The following BCAS4 variants were observed in gnomAD, a reference collection of about 807,000 sequenced individuals.
BCAS4 encodes the protein breast carcinoma-amplified sequence 4.
In BCAS4, 9 loss-of-function variants were observed where a neutral mutation model predicts 15.7. The ratio of observed to expected loss-of-function variants is 0.57; its 90% CI spans 0.34 to 1.00. BCAS4 has a LOEUF of 1.00. BCAS4 is among the 50% of genes least tolerant of loss of function. The pLI, the probability that BCAS4 is intolerant of heterozygous loss-of-function variation, is 0.02. For missense variants in BCAS4, 225 were observed against 239.1 expected (o/e 0.94, Z 0.39); for synonymous variants, 101 against 99.5 (o/e 1.02, Z -0.09).
At chr20:50,820,371 C>T (rs1026547886) in intron 2 of BCAS4, among the ~76,000 whole-genome samples, 1 of 152,068 alleles carries the variant, frequency 6.6e-6, no homozygotes, top group East Asian at 1.9e-4. Flanking sequence ...GGGAAGGCTT[C>T]GTATAACAGG....
At chr20:50,830,224 C>A in intron 2 of BCAS4, 55 bp from the exon 3 acceptor site, 1 of 1,462,306 alleles carries the variant, frequency 6.8e-7, no homozygotes, top group Non-Finnish European at 9.6e-7. Flanking sequence ...CTGAGGCAGG[C>A]AGGAGGACAC....
intron 1 of BCAS4, among the ~76,000 whole-genome samples, chr20:50,813,039 G>A (rs1233003186): frequency 6.6e-6 from 1 of 151,904 alleles, no homozygotes; most frequent in African/African-American, 2.4e-5. Flanking sequence ...GGATGGCCTT[G>A]AACTCCTGGG....
chr20:50,843,462 T>C (rs2088507688), intron 4 of BCAS4, among the ~76,000 whole-genome samples: 1 of 152,214 alleles, frequency 6.6e-6, no homozygotes, highest in African/African-American at 2.4e-5. Context: ...CCAGGCAATG[T>C]ATTTAAACAT....
chr20:50,806,701 A>AT (rs1321930205), intron 1 of BCAS4, among the ~76,000 whole-genome samples: 24 of 151,338 alleles, frequency 1.6e-4, no homozygotes, highest in African/African-American at 5.8e-4. Context: ...TTTTATTATT[A>AT]TTATTTTTTA....
At chr20:50,794,984 T>C (rs775282922), upstream of BCAS4, 2 of 1,269,264 alleles carry the variant, frequency 1.6e-6, no homozygotes, top group Admixed American at 4.1e-5. Context: ...CGCCAGGCGG[T>C]CCGCGGGGCA....
chr20:50,854,653 A>C (rs1978655732), intron 4 of BCAS4, among the ~76,000 whole-genome samples: 1 of 152,134 alleles, frequency 6.6e-6, no homozygotes, highest in South Asian at 2.1e-4. Flanking sequence ...GAAGGGATTC[A>C]CTTATGCACT....
At chr20:50,860,121 G>A (rs534342852) in intron 4 of BCAS4, among the ~76,000 whole-genome samples, 1 of 152,292 alleles carries the variant, frequency 6.6e-6, no homozygotes, top group East Asian at 1.9e-4. Context: ...GGGCGACAGA[G>A]TGAGATCCTG....
intron 2 of BCAS4, among the ~76,000 whole-genome samples, chr20:50,829,782 G>C (rs2088321310): frequency 6.6e-6 from 1 of 151,906 alleles, no homozygotes; most frequent in African/African-American, 2.4e-5. Flanking sequence ...AAAACTAAAG[G>C]AGATGGTGCA....
In BCAS4 at chr20:50,839,245, ACG is replaced by A. The variant is rs2088448065; in HGVS notation, c.265-2520_265-2519del. Among the ~76,000 whole-genome samples the A allele has an allele frequency of 2.6e-5, 4 of 152,238 alleles. No individual in the cohort carries two copies. In the South Asian group the frequency reaches 8.3e-4, roughly 31 times the overall value. Reference sequence around the variant, plus strand: ...CTCTGCTGCCTTTAGCCATGTACACACGTGCATACGCACACTAACACATGCCC... The same window carrying A: ...CTCTGCTGCCTTTAGCCATGTACACATGCATACGCACACTAACACATGCCC... On this transcript the variant is annotated intron_variant, in intron 3 of 4. Transcript: ENST00000371608.
At chr20:50,844,871 C>T (rs1378548454) in intron 4 of BCAS4, among the ~76,000 whole-genome samples, 2 of 152,124 alleles carry the variant, frequency 1.3e-5, no homozygotes, top group African/African-American at 4.8e-5. Context: ...CCAGGAAGCG[C>T]GTCCTGGCCA....
chr20:50,840,768 G>T, intron 3 of BCAS4: 1 of 1,580,450 alleles, frequency 6.3e-7, no homozygotes, highest in Non-Finnish European at 8.7e-7. Context: ...AGGAGAAGCG[G>T]AGCGAGGCAC....
At chr20:50,826,450 C>G (rs971402225) in intron 2 of BCAS4, among the ~76,000 whole-genome samples, 14 of 152,170 alleles carry the variant, frequency 9.2e-5, no homozygotes, top group Non-Finnish European at 1.8e-4. Context: ...AGATCCAGAC[C>G]TAATTACTTG....
chr20:50,873,296 G>A (rs1357287548), intron 4 of BCAS4, among the ~76,000 whole-genome samples: 1 of 152,226 alleles, frequency 6.6e-6, no homozygotes, highest in Non-Finnish European at 1.5e-5. Flanking sequence ...AAAGGAACAG[G>A]GGGTTGGGAT....
rs552062172 is a variant in BCAS4 at position 50,835,979 on chromosome 20, G to A, written c.264+5599G>A. On this transcript the variant is annotated intron_variant, in intron 3 of 4. Coordinates refer to ENST00000371608, the MANE Select transcript of BCAS4 (RefSeq NM_198799.4). The stretch of plus-strand genomic sequence containing the variant: ...GTCGCCCAGGCTGGAGTGCAATGGC[G>A]CGATCTCGGCTCACTGCAACCTCTG... Among the ~76,000 whole-genome samples the A allele has an allele frequency of 4.0e-5, 6 of 151,664 alleles. No individual in the cohort carries two copies. The South Asian group carries it at 1.0e-3, about 26-fold the overall frequency.
intron 2 of BCAS4, among the ~76,000 whole-genome samples, chr20:50,818,576 G>A (rs138886874): frequency 6.6e-4 from 100 of 152,294 alleles, no homozygotes; most frequent in African/African-American, 2.3e-3. Flanking sequence ...TGGCACTCTC[G>A]GGCACCGATG....
chr20:50,870,271 C>T (rs915171335), intron 4 of BCAS4, among the ~76,000 whole-genome samples: 1 of 152,190 alleles, frequency 6.6e-6, no homozygotes, highest in Non-Finnish European at 1.5e-5. Flanking sequence ...TAGGGCTTCC[C>T]GAGAGGGAGA....
intron 2 of BCAS4, among the ~76,000 whole-genome samples, chr20:50,820,671 T>C (rs976353149): frequency 6.6e-6 from 1 of 152,108 alleles, no homozygotes; most frequent in South Asian, 2.1e-4. Flanking sequence ...CAGAAGTCCA[T>C]GTGGACAGGC....
chr20:50,822,095 CTCCTTCA>C (rs2088223071), intron 2 of BCAS4, among the ~76,000 whole-genome samples: 1 of 152,190 alleles, frequency 6.6e-6, no homozygotes, highest in African/African-American at 2.4e-5. Flanking sequence ...TCGAAGCTGG[CTCCTTCA>C]TCACTTGTCT....
intron 4 of BCAS4, among the ~76,000 whole-genome samples, chr20:50,842,155 G>A (rs2088492549): frequency 6.6e-6 from 1 of 152,178 alleles, no homozygotes; most frequent in Non-Finnish European, 1.5e-5. Context: ...AGGTTACTGT[G>A]GTGAGCAGAA....
Sources: gnomAD v4.1 joint callset for allele counts (sites outside exome capture counted in the v4.1 genomes callset) on GRCh38, gnomAD v4.1.1 for gene constraint, MANE v1.5 for transcripts, NCBI Gene and HGNC (gene_info 2026-07-23, HGNC 2026-07-21) for gene names.